The following CACNB2 variants were observed in gnomAD, a reference collection of about 807,000 sequenced individuals.
The protein encoded by CACNB2 is calcium voltage-gated channel auxiliary subunit beta 2.
CACNB2 carries 42 observed loss-of-function variants against 73.3 expected under a neutral mutation model. The ratio of observed to expected loss-of-function variants is 0.57; its 90% CI spans 0.45 to 0.74. The LOEUF is 0.74. CACNB2 is among the 30% of genes least tolerant of loss of function. The pLI is 0.00. For synonymous variants in CACNB2, 348 were observed against 310.3 expected (o/e 1.12, Z -1.28); for missense variants, 940 against 853.0 (o/e 1.10, Z -1.27).
At chr10:18,242,368 T>C (rs1166144082) in intron 2 of CACNB2, among the ~76,000 whole-genome samples, 2 of 152,118 alleles carry the variant, frequency 1.3e-5, no homozygotes, top group East Asian at 3.8e-4. Context: ...AGTAGAGAGT[T>C]GGATATAAAA....
intron 3 of CACNB2, among the ~76,000 whole-genome samples, chr10:18,412,152 G>A (rs1364642313): frequency 6.6e-6 from 1 of 152,196 alleles, no homozygotes; most frequent in East Asian, 1.9e-4. Flanking sequence ...GCTGCTTCAT[G>A]AGAGAGCAAG....
chr10:18,364,360 G>A (rs569384744), intron 2 of CACNB2, among the ~76,000 whole-genome samples: 1 of 151,460 alleles, frequency 6.6e-6, no homozygotes, highest in African/African-American at 2.4e-5. Context: ...GAGTGCAGTG[G>A]CAAGATCTCG....
chr10:18,321,475 A>G (rs1305567718), intron 2 of CACNB2, among the ~76,000 whole-genome samples: 1 of 152,194 alleles, frequency 6.6e-6, no homozygotes, highest in Non-Finnish European at 1.5e-5. Flanking sequence ...TTGACAGCAC[A>G]ATAGGGTGAC....
At chr10:18,370,088 C>T (rs2042515220) in intron 2 of CACNB2, among the ~76,000 whole-genome samples, 1 of 152,216 alleles carries the variant, frequency 6.6e-6, no homozygotes, top group Non-Finnish European at 1.5e-5. Flanking sequence ...TTTATATCTG[C>T]ACTGTCCAAT....
chr10:18,140,698 CG>C lies in CACNB2; in HGVS notation c.-34del, dbSNP rs760682759. 123 of 1,565,756 alleles carry C rather than the reference CG, an allele frequency of 7.9e-5. No homozygotes were observed. The highest frequency in any genetic ancestry group is 5.2e-5 in the Non-Finnish European group (60 of 1,152,252). ...GGGCGAGGAGGAGGGGACCCGCCGC[CG>C]GGGGCTGGCTGCTTCGCTCCGAGCC... On this transcript the variant is annotated 5_prime_UTR_variant, in exon 1 of 14. Transcript: ENST00000324631.
intron 1 of CACNB2, among the ~76,000 whole-genome samples, chr10:18,142,626 A>G (rs144357762): frequency 9.5e-4 from 145 of 152,348 alleles, no homozygotes; most frequent in African/African-American, 3.3e-3. Flanking sequence ...TTCTTATGAT[A>G]AAAATAGAGT....
rs548264672 is a variant in CACNB2, at chr10:18,530,534, G to C, written c.1054+2837G>C. Reference sequence around the variant, plus strand: ...AATGCAAAAAAAAAAAAAAAATGCAGTTGGGCAAACCAACTGCATCTAACA... The same window carrying C: ...AATGCAAAAAAAAAAAAAAAATGCACTTGGGCAAACCAACTGCATCTAACA... On this transcript the variant is annotated intron_variant, in intron 10 of 13. Transcript: ENST00000324631. 1.1e-3 allele frequency among the ~76,000 whole-genome samples: 153 copies of C among 143,844 alleles called. 2 individuals carry two copies. The highest frequency in any genetic ancestry group is 3.7e-3 in the African/African-American group (147 of 39,344). The allele number at this position is 143,844 out of a possible 152,430, so 94.4% of individuals were successfully genotyped here.
intron 2 of CACNB2, among the ~76,000 whole-genome samples, chr10:18,330,747 C>T (rs2040767198): frequency 6.6e-6 from 1 of 151,974 alleles, no homozygotes; most frequent in African/African-American, 2.4e-5. Context: ...CGACTCACTG[C>T]AACCTCTGCC....
chr10:18,324,468 A>G (rs1277839), intron 2 of CACNB2, among the ~76,000 whole-genome samples: 1 of 152,266 alleles, frequency 6.6e-6, no homozygotes, highest in African/African-American at 2.4e-5. Flanking sequence ...GGAATGTGCA[A>G]AGAGACATAA....
At chr10:18,344,386 T>C (rs577111185) in intron 2 of CACNB2, among the ~76,000 whole-genome samples, 1,680 of 152,130 alleles carry the variant, frequency 0.011, 10 homozygotes, top group Non-Finnish European at 0.018. Context: ...TTTTTTTTTT[T>C]TTAAACAGAG....
chr10:18,239,474 A>T (rs1013664224), intron 2 of CACNB2, among the ~76,000 whole-genome samples: 22 of 152,092 alleles, frequency 1.4e-4, no homozygotes, highest in African/African-American at 4.3e-4. Context: ...ACATGATTTC[A>T]TTCTTTTTAA....
rs68179779 is a variant in CACNB2, at chr10:18,491,819, T to TAAAAAAAAAAAA, written c.334-6519_334-6508dup. On this transcript the variant is annotated intron_variant, in intron 3 of 13. Coordinates refer to ENST00000324631, the MANE Select transcript of CACNB2 (RefSeq NM_201596.3). ...TATTCCCTTGGAACTTCAAGTTGGTTAAAAAAAAAAAAAAAAAAAAAAAAA... is the reference window on the plus strand; with the variant it reads ...TATTCCCTTGGAACTTCAAGTTGGTTAAAAAAAAAAAAAAAAAAAAAAAAAAAAAAAAAAAAA... Among the ~76,000 whole-genome samples the TAAAAAAAAAAAA allele has an allele frequency of 3.0e-5, 2 of 65,602 alleles. 1 individual carries two copies. The highest frequency in any genetic ancestry group is 1.3e-3 in the East Asian group (2 of 1,586). The allele number at this position is 65,602 out of a possible 152,430, so 43.0% of individuals were successfully genotyped here.
At chr10:18,212,045 C>T (rs912634872) in intron 2 of CACNB2, among the ~76,000 whole-genome samples, 5 of 152,132 alleles carry the variant, frequency 3.3e-5, no homozygotes. Flanking sequence ...CCAAATCCTC[C>T]AGGCCTCAGG....
chr10:18,184,165 T>G (rs1040133677), intron 2 of CACNB2, among the ~76,000 whole-genome samples: 10 of 152,180 alleles, frequency 6.6e-5, no homozygotes, highest in Non-Finnish European at 1.5e-4. Flanking sequence ...GCCAGACCTA[T>G]GGTAGATGAT....
At chr10:18,223,813 G>T (rs1363741895) in intron 2 of CACNB2, among the ~76,000 whole-genome samples, 3 of 151,988 alleles carry the variant, frequency 2.0e-5, no homozygotes, top group African/African-American at 7.2e-5. Context: ...GAATCCTATT[G>T]CAGAAATTTT....
chr10:18,460,302 T>A (rs777888638), intron 3 of CACNB2, among the ~76,000 whole-genome samples: 3 of 152,126 alleles, frequency 2.0e-5, no homozygotes, highest in Admixed American at 1.3e-4. Flanking sequence ...AACTTCTGTT[T>A]GCACATTTAC....
At chr10:18,340,808 A>T (rs902364755) in intron 2 of CACNB2, 8 of 1,604,244 alleles carry the variant, frequency 5.0e-6, no homozygotes, top group Non-Finnish European at 3.4e-6. Context: ...GAAAAAGGAA[A>T]GCAGTTGCTA....
At chr10:18,260,076 G>T (rs1299287645) in intron 2 of CACNB2, among the ~76,000 whole-genome samples, 2 of 152,144 alleles carry the variant, frequency 1.3e-5, no homozygotes, top group African/African-American at 4.8e-5. Flanking sequence ...TGCAAATTTG[G>T]ATCAATATCT....
chr10:18,220,228 T>TAGAGAG (rs1399883516), intron 2 of CACNB2, among the ~76,000 whole-genome samples: 51 of 40,930 alleles, frequency 1.2e-3, no homozygotes, highest in East Asian at 3.7e-3. Context: ...TATATATATA[T>TAGAGAG]ATATAGAGAG....
Sources: gnomAD v4.1 joint callset for allele counts (sites outside exome capture counted in the v4.1 genomes callset) on GRCh38, gnomAD v4.1.1 for gene constraint, MANE v1.5 for transcripts, NCBI Gene and HGNC (gene_info 2026-07-23, HGNC 2026-07-21) for gene names.